THTPA: variants seen among roughly 807,000 people sequenced by gnomAD.
THTPA encodes thiamine-triphosphatase.
In THTPA, 16 loss-of-function variants were observed where a neutral mutation model predicts 16.5. The ratio of observed to expected loss-of-function variants is 0.97; its 90% CI spans 0.66 to 1.47. The LOEUF (loss-of-function observed/expected upper bound fraction) is 1.47, where lower values mean the gene tolerates loss of function less well. Among genes scored for constraint, THTPA ranks in the 40% most tolerant of loss-of-function variants. The pLI, the probability that THTPA is intolerant of heterozygous loss-of-function variation, is 0.00. For synonymous variants in THTPA, 110 were observed against 115.5 expected, an observed-to-expected ratio of 0.95 and a Z score of 0.30; for missense variants, 281 against 280.9, an observed-to-expected ratio of 1.00 and a Z score of 0.00.
chr14:23,556,006 C>A (rs1400634282), upstream of THTPA: 1 of 152,272 alleles, frequency 6.6e-6, no homozygotes, highest in Non-Finnish European at 1.5e-5. Flanking sequence ...ATCCGCGCCT[C>A]GGGGTGCCTG....
At chr14:23,530,406 A>C in the THTPA span, 1 of 678,166 alleles carries the variant, frequency 1.5e-6, no homozygotes, top group Non-Finnish European at 2.6e-6. Context: ...AGGGCCTAAG[A>C]GATCATTTTA....
chr14:23,515,671 C>T, the THTPA span, among the ~76,000 whole-genome samples: 1 of 152,090 alleles, frequency 6.6e-6, no homozygotes, highest in South Asian at 2.1e-4. Flanking sequence ...GAAGATTTGG[C>T]TGTGGGTGAT....
the THTPA span, among the ~76,000 whole-genome samples, chr14:23,546,823 C>T: frequency 3.3e-5 from 5 of 152,190 alleles, no homozygotes; most frequent in African/African-American, 9.7e-5. This position sits in a 1 kb window ranked among gnomAD's most constrained non-coding sequence, Gnocchi z 4.7. Flanking sequence ...TGCCCAACTC[C>T]GTGGCGGTGG....
At chr14:23,551,992 C>T (rs528314749), upstream of THTPA, among the ~76,000 whole-genome samples, 72 of 152,336 alleles carry the variant, frequency 4.7e-4, no homozygotes, top group Admixed American at 1.2e-3. The surrounding 1 kb of genome is among the most constrained non-coding windows in gnomAD (Gnocchi z 5.3). Flanking sequence ...CCTCTTCATC[C>T]TGTGGCCTGC....
At chr14:23,515,119 G>A in the THTPA span, among the ~76,000 whole-genome samples, 1 of 152,156 alleles carries the variant, frequency 6.6e-6, no homozygotes, top group Admixed American at 6.5e-5. Context: ...AGAGCAAAAG[G>A]AGGTGGAGAG....
the THTPA span, chr14:23,527,586 C>T: frequency 2.1e-5 from 32 of 1,536,468 alleles, no homozygotes; most frequent in South Asian, 2.3e-4. Context: ...GTACCGTCCT[C>T]ACCCAGCCTG....
upstream of THTPA, among the ~76,000 whole-genome samples, chr14:23,552,585 C>A (rs1184372160): frequency 6.6e-6 from 1 of 151,762 alleles, no homozygotes; most frequent in Non-Finnish European, 1.5e-5. Flanking sequence ...ACCACCACCG[C>A]GCCCAGCCCG....
chr14:23,539,419 G>A, the THTPA span, among the ~76,000 whole-genome samples: 5 of 152,144 alleles, frequency 3.3e-5, no homozygotes, highest in East Asian at 3.9e-4. Flanking sequence ...GAAAGCTGCC[G>A]AGAGAGAAAT....
chr14:23,520,729 C>A, the THTPA span: 1 of 150,952 alleles, frequency 6.6e-6, no homozygotes, highest in Non-Finnish European at 1.5e-5. The surrounding 1 kb of genome is among the most constrained non-coding windows in gnomAD (Gnocchi z 8.7). Flanking sequence ...GACCACCAGA[C>A]CCATAGCAAG....
chr14:23,513,159 CG>C, the THTPA span: 2 of 152,174 alleles, frequency 1.3e-5, no homozygotes, highest in East Asian at 1.9e-4. Flanking sequence ...GCACTGATCT[CG>C]GGGAGAGAGA....
the THTPA span, chr14:23,532,673 G>A: frequency 2.0e-6 from 3 of 1,517,750 alleles, no homozygotes; most frequent in Non-Finnish European, 1.8e-6. Flanking sequence ...CAGGTGTAGT[G>A]GGGAGACAGA....
the THTPA span, among the ~76,000 whole-genome samples, chr14:23,549,818 A>G: frequency 1.3e-5 from 2 of 152,092 alleles, no homozygotes; most frequent in Admixed American, 6.5e-5. Context: ...CACAAACCAT[A>G]CCCCACACCT....
the THTPA span, among the ~76,000 whole-genome samples, chr14:23,535,764 G>A: frequency 1.3e-5 from 2 of 152,050 alleles, no homozygotes; most frequent in East Asian, 1.9e-4. The surrounding 1 kb of genome is among the most constrained non-coding windows in gnomAD (Gnocchi z 4.5). Flanking sequence ...GACTAATTTT[G>A]TATTTTTAGT....
the THTPA span, chr14:23,524,261 A>G: frequency 6.5e-7 from 1 of 1,536,050 alleles, no homozygotes; most frequent in Non-Finnish European, 8.7e-7. The surrounding 1 kb of genome is among the most constrained non-coding windows in gnomAD (Gnocchi z 5.6). Context: ...TTTGAGCCCC[A>G]CCTCCTCGGA....
chr14:23,525,460 G>C, the THTPA span: 20 of 1,536,010 alleles, frequency 1.3e-5, no homozygotes, highest in Non-Finnish European at 1.7e-5. This position sits in a 1 kb window ranked among gnomAD's most constrained non-coding sequence, Gnocchi z 5.9. Flanking sequence ...GTGTCTTGAG[G>C]ATAAGCATAT....
chr14:23,525,249 G>A, the THTPA span: 34 of 1,535,970 alleles, frequency 2.2e-5, no homozygotes, highest in South Asian at 3.8e-4. The surrounding 1 kb of genome is among the most constrained non-coding windows in gnomAD (Gnocchi z 5.9). Flanking sequence ...CGCTCTTCAG[G>A]GGCACGGGTC....
the THTPA span, chr14:23,527,530 C>A: frequency 6.6e-7 from 1 of 1,512,066 alleles, no homozygotes; most frequent in Non-Finnish European, 8.9e-7. Context: ...GCCTGAATAC[C>A]CCTGCCTCTT....
chr14:23,523,982 G>T, the THTPA span: 1 of 1,527,294 alleles, frequency 6.5e-7, no homozygotes, highest in African/African-American at 1.4e-5. This position sits in a 1 kb window ranked among gnomAD's most constrained non-coding sequence, Gnocchi z 4.1. Flanking sequence ...TGGGGTGGTG[G>T]CCTCTTTCCC....
At chr14:23,530,030 C>T in the THTPA span, 2 of 1,303,800 alleles carry the variant, frequency 1.5e-6, no homozygotes, top group Admixed American at 2.0e-5. Flanking sequence ...GCTCCTTGAG[C>T]ACAGACATTG....
Sources: gnomAD v4.1 joint callset for allele counts (sites outside exome capture counted in the v4.1 genomes callset) on GRCh38, gnomAD v4.1.1 for gene constraint, Gnocchi (gnomAD v3.1) non-coding constraint, MANE v1.5 for transcripts, NCBI Gene and HGNC (gene_info 2026-07-23, HGNC 2026-07-21) for gene names.